Variants in HTR2C observed in about 807,000 individuals in gnomAD.
The protein encoded by HTR2C is 5-hydroxytryptamine (serotonin) receptor 2C, G protein-coupled.
Under a neutral mutation model 21.0 loss-of-function variants are expected in HTR2C, and 5 were observed. The observed-to-expected ratio is 0.24, with a 90% CI of 0.12 to 0.50. The LOEUF (loss-of-function observed/expected upper bound fraction) is 0.50. Among genes scored for constraint, HTR2C ranks in the 20% least tolerant of loss-of-function variants. The probability of loss-of-function intolerance (pLI) is 0.98; values close to 1 mark genes in which losing one functional copy is unlikely to be tolerated. For missense variants in HTR2C, 271 were observed against 371.2 expected (o/e 0.73, Z 2.22); for synonymous variants, 150 against 145.3 (o/e 1.03, Z -0.23).
intron 4 of HTR2C, among the ~76,000 whole-genome samples, chrX:114,804,424 A>G (rs2070382301): frequency 8.9e-6 from 1 of 112,146 alleles, no homozygotes. Flanking sequence ...ATGTAATGCT[A>G]AAATTGCATA....
chrX:114,898,428 T>A (rs975197780), intron 5 of HTR2C, among the ~76,000 whole-genome samples: 1 of 112,368 alleles, frequency 8.9e-6, no homozygotes, highest in Non-Finnish European at 1.9e-5. Flanking sequence ...TTTTTGCTTT[T>A]GTTCCAACTG....
At chrX:114,729,204 C>A (rs1226193661) in intron 3 of HTR2C, among the ~76,000 whole-genome samples, 3 of 111,944 alleles carry the variant, frequency 2.7e-5, no homozygotes, top group African/African-American at 9.7e-5. Context: ...ATTATCCTGG[C>A]AAATTTTGAA....
intron 2 of HTR2C, among the ~76,000 whole-genome samples, chrX:114,670,258 G>T (rs1280272090): frequency 1.8e-5 from 2 of 110,452 alleles, no homozygotes; most frequent in Non-Finnish European, 3.8e-5. Flanking sequence ...AGCTGGGTGT[G>T]GTGGCAGGTG....
At chrX:114,618,183 A>G (rs1347036390) in intron 2 of HTR2C, among the ~76,000 whole-genome samples, 2 of 112,208 alleles carry the variant, frequency 1.8e-5, no homozygotes, top group Non-Finnish European at 3.8e-5. Flanking sequence ...TATCTGCCAC[A>G]CATATTTTTC....
chrX:114,764,925 T>TTCTTTCTTTTCC (rs1382718411), intron 4 of HTR2C, among the ~76,000 whole-genome samples: 3 of 46,220 alleles, frequency 6.5e-5, no homozygotes, highest in African/African-American at 1.7e-4. Flanking sequence ...CTTTCTTTCT[T>TTCTTTCTTTTCC]TTCCTTCCTT....
chrX:114,612,694 A>G (rs1556398951), intron 1 of HTR2C, among the ~76,000 whole-genome samples: 1 of 111,766 alleles, frequency 8.9e-6, no homozygotes, highest in Non-Finnish European at 1.9e-5. Flanking sequence ...TTGCTGATTC[A>G]TTTAGAATTC....
At chrX:114,821,933 C>A (rs2070637395) in intron 4 of HTR2C, among the ~76,000 whole-genome samples, 1 of 99,153 alleles carries the variant, frequency 1.0e-5, no homozygotes, top group South Asian at 4.9e-4. Context: ...GGCTGGAGTG[C>A]AGTGGCACGA....
At chrX:114,604,114 G>C in intron 1 of HTR2C, among the ~76,000 whole-genome samples, 1 of 108,545 alleles carries the variant, frequency 9.2e-6, no homozygotes, top group East Asian at 3.0e-4. Flanking sequence ...CGGTCGCCAA[G>C]GAGGGAGTAG....
At chrX:114,614,071 G>T (rs1285607120) in intron 2 of HTR2C, among the ~76,000 whole-genome samples, 190 bp downstream of exon 2, 2 of 102,813 alleles carry the variant, frequency 1.9e-5, no homozygotes, top group African/African-American at 7.0e-5. Flanking sequence ...AATGCAACCT[G>T]AAAAAAAAAA....
intron 5 of HTR2C, among the ~76,000 whole-genome samples, chrX:114,890,633 C>T (rs1445217025): frequency 1.8e-5 from 2 of 112,077 alleles, no homozygotes; most frequent in Non-Finnish European, 3.8e-5. Context: ...TGTTTGTTGA[C>T]TGTTATTTTG....
chrX:114,725,494 C>T (rs1415281928), intron 2 of HTR2C, among the ~76,000 whole-genome samples: 3 of 111,949 alleles, frequency 2.7e-5, no homozygotes, highest in African/African-American at 6.5e-5. Context: ...ATTTGATCGT[C>T]TGGAGCCTTC....
At chrX:114,836,970 G>A in intron 4 of HTR2C, among the ~76,000 whole-genome samples, 1 of 111,411 alleles carries the variant, frequency 9.0e-6, no homozygotes, top group Non-Finnish European at 1.9e-5. Flanking sequence ...AATGCACAAT[G>A]GATGTTGTGA....
At chrX:114,677,451 GACAA>G (rs1255273991) in intron 2 of HTR2C, among the ~76,000 whole-genome samples, 2 of 110,213 alleles carry the variant, frequency 1.8e-5, no homozygotes, top group Non-Finnish European at 3.8e-5. Context: ...CTTTTTAGAG[GACAA>G]ACCTCAGTTA....
At position 114,763,091 on chromosome X, in the gene HTR2C, A is replaced by G. The variant is rs1036415792; in HGVS notation, c.349+31484A>G. On this transcript the variant is annotated intron_variant, in intron 4 of 5. Coordinates refer to ENST00000276198, the MANE Select transcript of HTR2C (RefSeq NM_000868.4). The stretch of plus-strand genomic sequence containing the variant: ...TCATAGTATCTGCTGGGCATTCATC[A>G]TCTACCACTGGGCATCCATCATCTC... 26 of 123,899 alleles carry G rather than the reference A, an allele frequency of 2.1e-4. No individual in the cohort carries two copies. The Middle Eastern group carries it at 7.4e-3, about 35-fold the overall frequency. 10.2% of individuals were successfully genotyped at this position (123,899 alleles called of 1,213,427 possible).
chrX:114,730,433 C>T (rs1488375097), intron 3 of HTR2C, among the ~76,000 whole-genome samples: 1 of 111,943 alleles, frequency 8.9e-6, no homozygotes, highest in Non-Finnish European at 1.9e-5. Flanking sequence ...AAATCATTAT[C>T]TAGCCTAGAA....
At chrX:114,815,955 CA>C (rs2070580749) in intron 4 of HTR2C, among the ~76,000 whole-genome samples, 2 of 110,474 alleles carry the variant, frequency 1.8e-5, no homozygotes, top group African/African-American at 6.6e-5. Context: ...ACATTTTCGA[CA>C]AATCTCTTGC....
intron 5 of HTR2C, among the ~76,000 whole-genome samples, chrX:114,864,925 C>G (rs1340380638): frequency 9.9e-6 from 1 of 100,827 alleles, no homozygotes; most frequent in Non-Finnish European, 2.0e-5. Flanking sequence ...GCTTTCAACA[C>G]ATTAAATATA....
intron 2 of HTR2C, among the ~76,000 whole-genome samples, chrX:114,682,503 CT>C (rs1931779887): frequency 9.0e-6 from 1 of 111,022 alleles, no homozygotes; most frequent in Admixed American, 9.6e-5. Flanking sequence ...ATATGCTGCT[CT>C]TTTTAGGATT....
chrX:114,741,242 C>T (rs782729232), intron 4 of HTR2C, among the ~76,000 whole-genome samples: 1 of 108,746 alleles, frequency 9.2e-6, no homozygotes, highest in Non-Finnish European at 1.9e-5. Flanking sequence ...TTGGGAGGGC[C>T]GGGCACGGTG....
Sources: gnomAD v4.1 joint callset for allele counts (sites outside exome capture counted in the v4.1 genomes callset) on GRCh38, gnomAD v4.1.1 for gene constraint, MANE v1.5 for transcripts, NCBI Gene and HGNC (gene_info 2026-07-23, HGNC 2026-07-21) for gene names.